Variants in CRYBG1 observed in about 807,000 individuals in gnomAD.
The protein encoded by CRYBG1 is beta/gamma crystallin domain-containing protein 1.
CRYBG1 carries 139 observed loss-of-function variants against 189.2 expected under a neutral mutation model. The ratio of observed to expected loss-of-function variants is 0.73; its 90% CI spans 0.64 to 0.85. The LOEUF is 0.85. CRYBG1 is among the 40% of genes least tolerant of loss of function. The pLI, the probability that CRYBG1 is intolerant of heterozygous loss-of-function variation, is 0.00. For missense variants in CRYBG1, 2,611 were observed against 2,675.8 expected (o/e 0.98, Z 0.53); for synonymous variants, 1,023 against 1,017.1 (o/e 1.01, Z -0.11).
At chr6:106,484,838 A>T (rs1050727026) in intron 2 of CRYBG1, among the ~76,000 whole-genome samples, 10 of 152,114 alleles carry the variant, frequency 6.6e-5, no homozygotes, top group Admixed American at 3.9e-4. Flanking sequence ...GGAAAAAAAA[A>T]ATATTAGCTG....
intron 1 of CRYBG1, among the ~76,000 whole-genome samples, chr6:106,365,292 T>A (rs1771964615): frequency 6.6e-6 from 1 of 151,952 alleles, no homozygotes; most frequent in African/African-American, 2.4e-5. Context: ...CCAGGGGTGG[T>A]GGCGGACGCC....
intron 1 of CRYBG1, among the ~76,000 whole-genome samples, chr6:106,450,791 G>A (rs1771767985): frequency 1.3e-5 from 2 of 152,184 alleles, no homozygotes; most frequent in Admixed American, 6.5e-5. Context: ...TTCTCTTCTT[G>A]TAGAAGACCT....
chr6:106,517,008 T>A (rs1773438186), intron 3 of CRYBG1, among the ~76,000 whole-genome samples: 1 of 73,156 alleles, frequency 1.4e-5, no homozygotes, highest in East Asian at 4.5e-4. Context: ...GGTTTAGACT[T>A]TTTTTTTTTT....
intron 1 of CRYBG1, among the ~76,000 whole-genome samples, chr6:106,419,787 C>T (rs1372802913): frequency 6.6e-6 from 1 of 152,228 alleles, no homozygotes; most frequent in Non-Finnish European, 1.5e-5. Context: ...GCAAGCTCCA[C>T]TCTGACTTAT....
chr6:106,524,629 A>G (rs1038196484), intron 4 of CRYBG1, among the ~76,000 whole-genome samples: 1 of 152,262 alleles, frequency 6.6e-6, no homozygotes, highest in Non-Finnish European at 1.5e-5. Flanking sequence ...CATATATACC[A>G]TAAACACTTC....
rs778997250 is a variant in CRYBG1 at position 106,561,401 on chromosome 6, A to C, written c.6039A>C (p.Gly2013=). Residue 2013 remains glycine (G), a synonymous_variant, in exon 20 of 22, where the codon GGA becomes GGC. Transcript: ENST00000633556. ...CAGGGTTATTCATGTCAACCAATGGAAACTTAGAGGATCTGAAGCTTCTGA... is the reference window on the plus strand; with the variant it reads ...CAGGGTTATTCATGTCAACCAATGGCAACTTAGAGGATCTGAAGCTTCTGA... The part of the protein sequence containing the change: ...KATGLFMSTN[G]NLEDLKLLRI... 6.2e-7 allele frequency: 1 copy of C among 1,614,182 alleles called. No individual in the cohort carries two copies. Among genetic ancestry groups the C allele is most frequent in the African/African-American group, 1.3e-5 (1 of 75,048 alleles).
At chr6:106,534,734 T>A (rs532789011) in intron 8 of CRYBG1, among the ~76,000 whole-genome samples, 1 of 152,340 alleles carries the variant, frequency 6.6e-6, no homozygotes, top group East Asian at 1.9e-4. Flanking sequence ...TAATTTGTTT[T>A]TAAATCTTTC....
chr6:106,539,364 A>C lies in CRYBG1; in HGVS notation c.4719-39A>C, dbSNP rs778166852. ...GAAGGAAAAACTGAAACAAATGATG[A>C]GTCGGCTCCCTTTCTTTCCTTCCAT... On this transcript the variant is annotated intron_variant, in intron 8 of 21. Coordinates refer to ENST00000633556, the MANE Select transcript of CRYBG1 (RefSeq NM_001371242.2). The C allele has an allele frequency of 8.8e-5, 142 of 1,605,868 alleles. 1 individual carries two copies. The highest frequency in any genetic ancestry group is 1.7e-6 in the Non-Finnish European group (2 of 1,176,688).
intron 1 of CRYBG1, among the ~76,000 whole-genome samples, chr6:106,374,265 A>G (rs759361714): frequency 1.3e-5 from 2 of 152,154 alleles, no homozygotes; most frequent in African/African-American, 2.4e-5. Context: ...TCAAATATGC[A>G]TAAGACAGCC....
intron 16 of CRYBG1, 147 bp downstream of exon 16, chr6:106,553,714 T>C: frequency 1.5e-6 from 1 of 648,408 alleles, no homozygotes; most frequent in Non-Finnish European, 2.8e-6. Context: ...GATATCTGAG[T>C]ACCAGACGCC....
At chr6:106,425,512 C>T (rs936650505) in intron 1 of CRYBG1, among the ~76,000 whole-genome samples, 23 of 152,216 alleles carry the variant, frequency 1.5e-4, no homozygotes, top group African/African-American at 4.8e-4. Flanking sequence ...CACCCCCTAT[C>T]TTATTACAGT....
At chr6:106,469,151 C>A (rs1446837715) in intron 2 of CRYBG1, among the ~76,000 whole-genome samples, 1 of 152,196 alleles carries the variant, frequency 6.6e-6, no homozygotes, top group Non-Finnish European at 1.5e-5. Context: ...CACACAGAAC[C>A]CTTTCTTGCC....
intron 1 of CRYBG1, among the ~76,000 whole-genome samples, chr6:106,376,577 C>A (rs1300087385): frequency 6.6e-6 from 1 of 152,018 alleles, no homozygotes; most frequent in Non-Finnish European, 1.5e-5. Flanking sequence ...GATGGGTCAA[C>A]CTCTTCTATA....
chr6:106,534,838 G>C (rs1402980507), intron 8 of CRYBG1, among the ~76,000 whole-genome samples: 1 of 152,068 alleles, frequency 6.6e-6, no homozygotes, highest in East Asian at 1.9e-4. Flanking sequence ...GGTGGAAGTG[G>C]GGGGTGGTAT....
At chr6:106,427,101 T>C (rs1368672649) in intron 1 of CRYBG1, among the ~76,000 whole-genome samples, 1 of 152,176 alleles carries the variant, frequency 6.6e-6, no homozygotes, top group Non-Finnish European at 1.5e-5. Flanking sequence ...TGGAAGGGCC[T>C]CAGGGCTCAG....
Position 106,533,546 on chromosome 6 carries a change from A to G in CRYBG1, c.4718+3231A>G, listed in dbSNP as rs148728741. 3.4e-3 allele frequency among the ~76,000 whole-genome samples: 516 copies of G among 152,332 alleles called. 1 individual carries two copies. Among genetic ancestry groups the G allele is most frequent in the Middle Eastern group, 6.8e-3 (2 of 294 alleles). ...AAGAAACCACGTAGGATGCACTTGC[A>G]ATCATACAGCCAAGAAGAGATGGTG... On this transcript the variant is annotated intron_variant, in intron 8 of 21. Transcript: ENST00000633556.
intron 1 of CRYBG1, among the ~76,000 whole-genome samples, chr6:106,434,939 T>G (rs764531096): frequency 6.6e-6 from 1 of 152,216 alleles, no homozygotes; most frequent in Non-Finnish European, 1.5e-5. Context: ...AAAATGTGTA[T>G]GGATAACAAA....
At chr6:106,384,559 G>A (rs912059351) in intron 1 of CRYBG1, among the ~76,000 whole-genome samples, 5 of 151,984 alleles carry the variant, frequency 3.3e-5, no homozygotes, top group African/African-American at 4.8e-5. Context: ...AGTCTACTCC[G>A]TAATCTCATT....
At chr6:106,514,444 G>A (rs1364052945) in intron 3 of CRYBG1, among the ~76,000 whole-genome samples, 1 of 152,180 alleles carries the variant, frequency 6.6e-6, no homozygotes, top group African/African-American at 2.4e-5. Context: ...AACTCTGAGA[G>A]GGAAGTATGC....
Sources: gnomAD v4.1 joint callset for allele counts (sites outside exome capture counted in the v4.1 genomes callset) on GRCh38, gnomAD v4.1.1 for gene constraint, MANE v1.5 for transcripts, NCBI Gene and HGNC (gene_info 2026-07-23, HGNC 2026-07-21) for gene names.